PSKH1: variants seen among roughly 807,000 people sequenced by gnomAD.
The protein encoded by PSKH1 is serine/threonine-protein kinase H1.
Under a neutral mutation model 26.7 loss-of-function variants are expected in PSKH1, and 12 were observed. That is an observed-to-expected ratio of 0.45 (90% confidence interval 0.29 to 0.73). The LOEUF (loss-of-function observed/expected upper bound fraction) is 0.73, where lower values mean the gene tolerates loss of function less well. PSKH1 is among the 30% of genes least tolerant of loss of function. The pLI, the probability that PSKH1 is intolerant of heterozygous loss-of-function variation, is 0.11. For missense variants in PSKH1, 431 were observed against 595.2 expected (o/e 0.72, Z 2.87); for synonymous variants, 213 against 234.3 (o/e 0.91, Z 0.83).
Position 67,900,832 on chromosome 16 carries a change from A to C in PSKH1, c.-71+7461A>C, listed in dbSNP as rs28455803. 1.3e-5 allele frequency among the ~76,000 whole-genome samples: 2 copies of C among 151,694 alleles called. 1 individual carries two copies. The highest frequency in any genetic ancestry group is 4.9e-5 in the African/African-American group (2 of 41,218). ...TTTCTGCAAGATGACATACTGTGAC[A>C]CTCCTGGGAAGTCTCTTCCTGAAGC... is the stretch of plus-strand genomic sequence containing the variant. On this transcript the variant is annotated intron_variant, in intron 1 of 2. Coordinates refer to ENST00000291041, the MANE Select transcript of PSKH1 (RefSeq NM_006742.3).
chr16:67,909,037 T>C lies in PSKH1; in HGVS notation c.288T>C (p.Ala96=), dbSNP rs140124242. Residue 96 remains alanine (A), a synonymous_variant, in exon 2 of 3, where the codon GCT becomes GCC. Transcript: ENST00000291041. The surrounding 1 kb of genome is among the most constrained non-coding windows in gnomAD (Gnocchi z 7.8). The stretch of plus-strand genomic sequence containing the variant: ...CCAAGTTTGACCCACGTGTTACAGC[T>C]AAGTATGACATCAAGGCCCTAATTG... The part of the protein sequence containing the change: ...YRAKFDPRVT[A]KYDIKALIGR... 14 of 1,613,938 alleles carry C rather than the reference T, an allele frequency of 8.7e-6. No individual in the cohort carries two copies. In the African/African-American group the frequency reaches 1.9e-4, roughly 22 times the overall value.
chr16:67,921,973 C>T (rs530356197), intron 2 of PSKH1, among the ~76,000 whole-genome samples: 1 of 146,266 alleles, frequency 6.8e-6, no homozygotes, highest in African/African-American at 2.5e-5. Flanking sequence ...TTATTCTCTG[C>T]TTTTTTTTTT....
intron 2 of PSKH1, among the ~76,000 whole-genome samples, chr16:67,918,374 G>A (rs2058193324): frequency 6.6e-6 from 1 of 151,986 alleles, no homozygotes; most frequent in African/African-American, 2.4e-5. Flanking sequence ...GTGGGCTTGG[G>A]TAGAATTTCT....
chr16:67,893,756 C>G (rs1393560212), intron 1 of PSKH1, among the ~76,000 whole-genome samples: 1 of 152,240 alleles, frequency 6.6e-6, no homozygotes, highest in Non-Finnish European at 1.5e-5. Context: ...CCACACCCCT[C>G]CTTTGCGTCT....
At chr16:67,898,187 G>A (rs1314611389) in intron 1 of PSKH1, among the ~76,000 whole-genome samples, 1 of 151,968 alleles carries the variant, frequency 6.6e-6, no homozygotes, top group East Asian at 1.9e-4. Context: ...TTGTAGAGAG[G>A]CCAAGACAGG....
chr16:67,900,689 A>G (rs2058139173), intron 1 of PSKH1, among the ~76,000 whole-genome samples: 1 of 152,136 alleles, frequency 6.6e-6, no homozygotes, highest in Non-Finnish European at 1.5e-5. Context: ...GAGGACGATA[A>G]TGCTGAATGC....
intron 2 of PSKH1, among the ~76,000 whole-genome samples, chr16:67,911,788 A>G (rs2058174078): frequency 2.6e-5 from 4 of 152,140 alleles, no homozygotes; most frequent in Admixed American, 2.0e-4. Context: ...GGATGTGGCT[A>G]TGGGGTCCAT....
At chr16:67,899,595 A>G (rs1245818098) in intron 1 of PSKH1, among the ~76,000 whole-genome samples, 1 of 152,094 alleles carries the variant, frequency 6.6e-6, no homozygotes, top group African/African-American at 2.4e-5. Flanking sequence ...TTGGCCTCCC[A>G]AAATGCCGGG....
chr16:67,916,295 A>G lies in PSKH1; in HGVS notation c.957+6589A>G, dbSNP rs149249299. Reference sequence around the variant, plus strand: ...GTCTCGTGGTGCTTGGTGCCTTTCTAGGGGCACCTTTCCTGTTCCCTGACC... The same window carrying G: ...GTCTCGTGGTGCTTGGTGCCTTTCTGGGGGCACCTTTCCTGTTCCCTGACC... On this transcript the variant is annotated intron_variant, in intron 2 of 2. Coordinates refer to ENST00000291041, the MANE Select transcript of PSKH1 (RefSeq NM_006742.3). 1.3e-4 allele frequency among the ~76,000 whole-genome samples: 20 copies of G among 152,186 alleles called. No individual in the cohort carries two copies. The East Asian group carries it at 3.9e-3, about 29-fold the overall frequency.
chr16:67,893,729 C>T (rs1448472174), intron 1 of PSKH1, among the ~76,000 whole-genome samples: 2 of 152,250 alleles, frequency 1.3e-5, no homozygotes, highest in Non-Finnish European at 2.9e-5. Flanking sequence ...ACTGCCTTCT[C>T]GCGCCCGGCG....
intron 1 of PSKH1, among the ~76,000 whole-genome samples, chr16:67,901,650 TTG>T (rs201168375): frequency 0.03 from 4,368 of 144,818 alleles, 87 homozygotes; most frequent in Middle Eastern, 0.16. Context: ...TTTTTTTTTT[TTG>T]GAGACATGGT....
intron 2 of PSKH1, among the ~76,000 whole-genome samples, chr16:67,917,829 G>A (rs192456398): frequency 5.0e-4 from 76 of 152,288 alleles, no homozygotes; most frequent in Non-Finnish European, 9.3e-4. Context: ...TTGGAAGAGG[G>A]GTAAATGCTG....
At chr16:67,898,066 G>C (rs1343668651) in intron 1 of PSKH1, among the ~76,000 whole-genome samples, 2 of 152,014 alleles carry the variant, frequency 1.3e-5, no homozygotes, top group Admixed American at 6.6e-5. Flanking sequence ...TGGCCAGGCT[G>C]GTCTTGAACT....
chr16:67,915,206 AGAGT>A (rs776524027), intron 2 of PSKH1, among the ~76,000 whole-genome samples: 2,018 of 144,648 alleles, frequency 0.014, 26 homozygotes, highest in African/African-American at 0.042. Flanking sequence ...AGAGAGAGAG[AGAGT>A]GTGTGTGTGT....
intron 2 of PSKH1, among the ~76,000 whole-genome samples, chr16:67,925,333 C>G (rs1397160400): frequency 1.3e-5 from 2 of 151,960 alleles, no homozygotes; most frequent in African/African-American, 4.8e-5. Context: ...GTAGCTGGGA[C>G]TACAGGCACG....
intron 2 of PSKH1, among the ~76,000 whole-genome samples, chr16:67,912,251 C>A (rs1470957269): frequency 6.6e-6 from 1 of 152,206 alleles, no homozygotes; most frequent in Non-Finnish European, 1.5e-5. Context: ...AGTTAAAAGT[C>A]AGGAGTGCCC....
Position 67,927,623 on chromosome 16 carries a change from A to G in PSKH1, c.1256A>G (p.Gln419Arg), listed in dbSNP as rs1425788462. The G allele has an allele frequency of 6.2e-7, 1 of 1,607,222 alleles. No individual in the cohort carries two copies. Among genetic ancestry groups the G allele is most frequent in the Admixed American group, 1.7e-5 (1 of 59,988 alleles). ...RELRELNLRY[Q>R]QQYNG ...CTGCGGGAGCTCAACCTGCGCTACC[A>G]GCAGCAATACAATGGCTGAGCCGCC... Residue 419 changes from glutamine to arginine, a missense_variant, in exon 3 of 3, where the codon CAG (glutamine) becomes CGG (arginine). Physicochemically the swap from Gln to Arg is conservative, Grantham distance 43. Transcript: ENST00000291041. The surrounding 1 kb of genome is among the most constrained non-coding windows in gnomAD (Gnocchi z 5.5).
intron 2 of PSKH1, among the ~76,000 whole-genome samples, chr16:67,922,782 C>T (rs992328761): frequency 2.6e-5 from 4 of 152,208 alleles, no homozygotes; most frequent in Non-Finnish European, 5.9e-5. Flanking sequence ...TAACGTATCC[C>T]AGATGCCACT....
At chr16:67,893,433 G>C (rs1473809369) in intron 1 of PSKH1, 62 bp downstream of exon 1, 1 of 152,338 alleles carries the variant, frequency 6.6e-6, no homozygotes, top group African/African-American at 2.4e-5. Flanking sequence ...AACTGTGGTC[G>C]TGGTCGCTTT....
Sources: gnomAD v4.1 joint callset for allele counts (sites outside exome capture counted in the v4.1 genomes callset) on GRCh38, gnomAD v4.1.1 for gene constraint, Gnocchi (gnomAD v3.1) non-coding constraint, MANE v1.5 for transcripts, NCBI Gene and HGNC (gene_info 2026-07-23, HGNC 2026-07-21) for gene names.